The following FAM81A variants were observed in gnomAD, a reference collection of about 807,000 sequenced individuals.
FAM81A encodes the protein family with sequence similarity 81 member A.
FAM81A carries 19 observed loss-of-function variants against 46.7 expected under a neutral mutation model. That is an observed-to-expected ratio of 0.41 (90% CI 0.28 to 0.60). FAM81A has a LOEUF of 0.60. Ranked by LOEUF, FAM81A falls within the 20% of genes least tolerant of loss-of-function variation. The probability of loss-of-function intolerance (pLI) is 0.34; values close to 1 mark genes in which losing one functional copy is unlikely to be tolerated. For synonymous variants in FAM81A, 183 were observed against 152.9 expected (o/e 1.20, Z -1.45); for missense variants, 377 against 453.5 (o/e 0.83, Z 1.53).
chr15:59,457,506 C>T (rs564231908), intron 1 of FAM81A, among the ~76,000 whole-genome samples: 6 of 152,268 alleles, frequency 3.9e-5, no homozygotes, highest in South Asian at 2.1e-4. Context: ...ATATAGGCTT[C>T]GGTTTCAGGC....
chr15:59,497,217 G>A (rs2082043596), intron 4 of FAM81A, among the ~76,000 whole-genome samples: 1 of 151,988 alleles, frequency 6.6e-6, no homozygotes, highest in Admixed American at 6.6e-5. Context: ...GGAGGCTGAG[G>A]TGGGCAGATC....
At chr15:59,434,469 C>T (rs932022153), upstream of FAM81A, among the ~76,000 whole-genome samples, 9 of 152,202 alleles carry the variant, frequency 5.9e-5, no homozygotes, top group African/African-American at 2.2e-4. Flanking sequence ...AAAAAACACT[C>T]CTGAGGGTCA....
intron 2 of FAM81A, among the ~76,000 whole-genome samples, chr15:59,423,247 C>T (rs2081182227): frequency 6.6e-6 from 1 of 152,076 alleles, no homozygotes; most frequent in Admixed American, 6.6e-5. Context: ...TACAGGCGCC[C>T]GCCAACACGC....
intron 3 of FAM81A, among the ~76,000 whole-genome samples, chr15:59,469,263 C>G (rs926182496): frequency 1.4e-4 from 22 of 152,250 alleles, no homozygotes; most frequent in African/African-American, 4.8e-4. Flanking sequence ...CCTGGATATC[C>G]TTGTTAACCT....
chr15:59,413,556 C>G (rs572819041), intron 2 of FAM81A, among the ~76,000 whole-genome samples: 44 of 152,180 alleles, frequency 2.9e-4, no homozygotes, highest in African/African-American at 9.6e-4. Context: ...CAAAAAGTCT[C>G]TGTACTTGAG....
intron 2 of FAM81A, among the ~76,000 whole-genome samples, chr15:59,406,737 C>A (rs1165324432): frequency 6.6e-6 from 1 of 152,132 alleles, no homozygotes; most frequent in African/African-American, 2.4e-5. Context: ...GAAATGAAAT[C>A]ATCCTGCACG....
At chr15:59,501,742 TAACAGCTGTCTA>T (rs2082093082) in intron 4 of FAM81A, among the ~76,000 whole-genome samples, 1 of 152,120 alleles carries the variant, frequency 6.6e-6, no homozygotes, top group Non-Finnish European at 1.5e-5. Context: ...ATCTGGGAGG[TAACAGCTGTCTA>T]AAGACCCAAA....
At chr15:59,496,802 C>A (rs1468482713) in intron 4 of FAM81A, among the ~76,000 whole-genome samples, 6 of 151,964 alleles carry the variant, frequency 3.9e-5, no homozygotes, top group Non-Finnish European at 8.8e-5. Context: ...ATTGTGTTAG[C>A]TGTTTTAGGT....
intron 4 of FAM81A, among the ~76,000 whole-genome samples, chr15:59,506,632 G>T (rs888973370): frequency 6.6e-6 from 1 of 152,126 alleles, no homozygotes; most frequent in Non-Finnish European, 1.5e-5. Context: ...ATTAGGACTC[G>T]ACAGAGGCCC....
intron 7 of FAM81A, among the ~76,000 whole-genome samples, chr15:59,516,221 G>A (rs541067340): frequency 1.3e-5 from 2 of 150,138 alleles, no homozygotes; most frequent in African/African-American, 4.9e-5. Flanking sequence ...CGCCTCCCCT[G>A]TTCAAGTGAT....
chr15:59,479,962 C>G (rs903474437), intron 3 of FAM81A, among the ~76,000 whole-genome samples: 1 of 152,100 alleles, frequency 6.6e-6, no homozygotes, highest in African/African-American at 2.4e-5. Context: ...CTGGCTACTT[C>G]GTGGAGAAGG....
intron 2 of FAM81A, among the ~76,000 whole-genome samples, chr15:59,420,406 A>G (rs550186132): frequency 6.6e-6 from 1 of 152,348 alleles, no homozygotes; most frequent in Non-Finnish European, 1.5e-5. Context: ...GTCTAACAAA[A>G]TTAAACAACC....
At chr15:59,424,159 T>C (rs1440502435) in intron 2 of FAM81A, among the ~76,000 whole-genome samples, 1 of 152,240 alleles carries the variant, frequency 6.6e-6, no homozygotes, top group Non-Finnish European at 1.5e-5. Flanking sequence ...TTTTGGGCTA[T>C]ACCTTTTGGA....
intron 2 of FAM81A, among the ~76,000 whole-genome samples, chr15:59,414,681 G>C (rs1465339564): frequency 6.6e-6 from 1 of 152,230 alleles, no homozygotes; most frequent in Non-Finnish European, 1.5e-5. Flanking sequence ...TAGGCAGATG[G>C]GGAATTAAGA....
chr15:59,475,496 A>C (rs1462177267), intron 3 of FAM81A, among the ~76,000 whole-genome samples: 1 of 152,142 alleles, frequency 6.6e-6, no homozygotes, highest in Non-Finnish European at 1.5e-5. Flanking sequence ...TGCAGTGAGA[A>C]AGTAATTTCA....
intron 6 of FAM81A, among the ~76,000 whole-genome samples, chr15:59,510,777 CAAAAAAAAAAAA>C (rs71119479): frequency 4.7e-4 from 12 of 25,774 alleles, no homozygotes; most frequent in South Asian, 3.1e-3. Context: ...GACCCTGTCT[CAAAAAAAAAAAA>C]AAAAAAAAAA....
chr15:59,431,250 T>C (rs57373299), intron 2 of FAM81A, among the ~76,000 whole-genome samples: 29,982 of 151,982 alleles, frequency 0.2, 3,175 homozygotes, highest in Middle Eastern at 0.26. Context: ...TTTTCTTTTT[T>C]TTGAGATGGA....
At chr15:59,455,948 C>A (rs540399232) in intron 1 of FAM81A, among the ~76,000 whole-genome samples, 5 of 152,202 alleles carry the variant, frequency 3.3e-5, no homozygotes, top group Non-Finnish European at 5.9e-5. Flanking sequence ...GGCATTCACT[C>A]ATTCATTAAC....
At position 59,460,282 on chromosome 15, in the gene FAM81A, AACT is replaced by A. The variant is rs778933249; in HGVS notation, c.294+77_294+79del. 1.9e-6 allele frequency: 3 copies of A among 1,578,670 alleles called. No homozygotes were observed. Among genetic ancestry groups the A allele is most frequent in the Non-Finnish European group, 2.6e-6 (3 of 1,149,316 alleles). On this transcript the variant is annotated intron_variant, in intron 3 of 8. Transcript: ENST00000288228. The surrounding 1 kb of genome is among the most constrained non-coding windows in gnomAD (Gnocchi z 4.4). ...CCATGTCAGGAGGTCACCCACATCT[AACT>A]CCTACCTCCCAGGCAGTACTGCATT...
Sources: gnomAD v4.1 joint callset for allele counts (sites outside exome capture counted in the v4.1 genomes callset) on GRCh38, gnomAD v4.1.1 for gene constraint, Gnocchi (gnomAD v3.1) non-coding constraint, MANE v1.5 for transcripts, NCBI Gene and HGNC (gene_info 2026-07-23, HGNC 2026-07-21) for gene names.